EXOC4: variants seen among roughly 807,000 people sequenced by gnomAD.
The protein encoded by EXOC4 is exocyst complex component 4.
A neutral mutation model predicts 107.2 loss-of-function variants in EXOC4; 71 were observed. That is an observed-to-expected ratio of 0.66 (90% confidence interval 0.55 to 0.81). The LOEUF is 0.81. Among genes scored for constraint, EXOC4 ranks in the 30% least tolerant of loss-of-function variants. The pLI is 0.00. For synonymous variants in EXOC4, 456 were observed against 441.2 expected, an observed-to-expected ratio of 1.03 and a Z score of -0.42; for missense variants, 1,108 against 1,189.6, an observed-to-expected ratio of 0.93 and a Z score of 1.01.
intron 11 of EXOC4, among the ~76,000 whole-genome samples, chr7:133,869,021 CCTT>C (rs1309437400): frequency 1.3e-5 from 2 of 151,580 alleles, no homozygotes; most frequent in African/African-American, 4.9e-5. Context: ...CCGCCCCCGC[CCTT>C]CTTTTCTTCA....
chr7:133,507,572 G>A (rs1799689634), intron 9 of EXOC4, among the ~76,000 whole-genome samples: 1 of 152,150 alleles, frequency 6.6e-6, no homozygotes, highest in Non-Finnish European at 1.5e-5. Flanking sequence ...ATAGGGCATA[G>A]CTTTCTTGTC....
At chr7:133,658,127 G>C (rs1037940017) in intron 10 of EXOC4, among the ~76,000 whole-genome samples, 1 of 152,112 alleles carries the variant, frequency 6.6e-6, no homozygotes, top group Admixed American at 6.6e-5. Context: ...TTAGGGATAT[G>C]GAGAAGACCT....
chr7:133,721,392 A>G (rs1795101714), intron 10 of EXOC4, among the ~76,000 whole-genome samples: 1 of 152,168 alleles, frequency 6.6e-6, no homozygotes, highest in Non-Finnish European at 1.5e-5. Context: ...CATTAATAAG[A>G]TAGAGATTCT....
intron 11 of EXOC4, among the ~76,000 whole-genome samples, chr7:133,845,065 C>T (rs1798097035): frequency 6.6e-6 from 1 of 152,074 alleles, no homozygotes; most frequent in Non-Finnish European, 1.5e-5. Flanking sequence ...ATCCTGGGAA[C>T]TTTGGGTTGT....
chr7:133,859,649 G>A (rs1798491246), intron 11 of EXOC4, among the ~76,000 whole-genome samples: 1 of 152,166 alleles, frequency 6.6e-6, no homozygotes, highest in Non-Finnish European at 1.5e-5. Context: ...GAACACTTAG[G>A]ACAGTTTGGT....
At chr7:133,979,798 A>G (rs28736340) in intron 14 of EXOC4, among the ~76,000 whole-genome samples, 1 of 150,954 alleles carries the variant, frequency 6.6e-6, no homozygotes, top group Non-Finnish European at 1.5e-5. Context: ...AAAAAAAAAG[A>G]AAAAAAAACC....
intron 10 of EXOC4, among the ~76,000 whole-genome samples, chr7:133,743,555 A>C (rs1795612487): frequency 6.6e-6 from 1 of 152,146 alleles, no homozygotes; most frequent in Non-Finnish European, 1.5e-5. Flanking sequence ...GTATTAAATT[A>C]AAGCTCCAGA....
intron 10 of EXOC4, among the ~76,000 whole-genome samples, chr7:133,676,603 G>A (rs1794062437): frequency 1.3e-5 from 2 of 152,112 alleles, no homozygotes; most frequent in South Asian, 4.1e-4. Context: ...CAAAGTGGAA[G>A]GGAGGGTGTT....
rs917716550 is a variant in EXOC4 at position 133,412,211 on chromosome 7, A to G, written c.1182+37209A>G. 2.0e-5 allele frequency among the ~76,000 whole-genome samples: 3 copies of G among 147,362 alleles called. No homozygotes were observed. The South Asian group carries it at 6.6e-4, about 32-fold the overall frequency. On this transcript the variant is annotated intron_variant, in intron 7 of 17. Coordinates refer to ENST00000253861, the MANE Select transcript of EXOC4 (RefSeq NM_021807.4). ...CTCTGTATTGGGCAATCTAAATTTA[A>G]GCCTTGAAGAGTGTCCAGATTGTAC... is the stretch of plus-strand genomic sequence containing the variant.
At chr7:133,496,380 T>C (rs866540571) in intron 9 of EXOC4, among the ~76,000 whole-genome samples, 1 of 152,156 alleles carries the variant, frequency 6.6e-6, no homozygotes. Context: ...TTGCTGAGGC[T>C]GGTCTCAAGC....
chr7:133,508,065 AAAAAGAAAAG>A lies in EXOC4; in HGVS notation c.1417+27942_1417+27951del, dbSNP rs146481259. Among the ~76,000 whole-genome samples the A allele has an allele frequency of 5.3e-5, 8 of 152,126 alleles. No individual in the cohort carries two copies. The East Asian group carries it at 9.7e-4, about 18-fold the overall frequency. On this transcript the variant is annotated intron_variant, in intron 9 of 17. Transcript: ENST00000253861. ...AACAAGAGCAAAACTCCGTCTCAAA[AAAAAGAAAAG>A]AAAAGAAAAGAAAAATCAGTAACAA...
intron 2 of EXOC4, among the ~76,000 whole-genome samples, chr7:133,287,351 C>T (rs1794304760): frequency 6.6e-6 from 1 of 152,020 alleles, no homozygotes; most frequent in African/African-American, 2.4e-5. Context: ...TGCTCTGTCG[C>T]CCAGGCTGGA....
chr7:133,558,196 C>CTTTTCTTTTCTTTTT (rs1563107387), intron 9 of EXOC4, among the ~76,000 whole-genome samples: 20 of 101,218 alleles, frequency 2.0e-4, no homozygotes, highest in African/African-American at 7.7e-4. Flanking sequence ...CTTCTCTTTT[C>CTTTTCTTTTCTTTTT]TTTTCTTTTC....
intron 2 of EXOC4, among the ~76,000 whole-genome samples, chr7:133,277,917 G>A (rs912042357): frequency 1.3e-5 from 2 of 152,154 alleles, no homozygotes; most frequent in South Asian, 2.1e-4. Flanking sequence ...ATGAAATATA[G>A]GTGTGTATTT....
chr7:133,829,923 A>AG (rs1797774453), intron 11 of EXOC4, among the ~76,000 whole-genome samples: 1 of 152,056 alleles, frequency 6.6e-6, no homozygotes, highest in Admixed American at 6.5e-5. Context: ...TCTTTTGAGG[A>AG]GGAAAAAAAA....
At chr7:133,397,943 G>A (rs1238176680) in intron 7 of EXOC4, among the ~76,000 whole-genome samples, 2 of 151,998 alleles carry the variant, frequency 1.3e-5, no homozygotes, top group Non-Finnish European at 2.9e-5. Flanking sequence ...GCCTTGCCTC[G>A]GCTATTAAGT....
chr7:133,936,746 G>A (rs1009291956), intron 13 of EXOC4, among the ~76,000 whole-genome samples: 4 of 152,084 alleles, frequency 2.6e-5, no homozygotes, highest in African/African-American at 7.2e-5. Flanking sequence ...TGCAACCTCC[G>A]CCTCCCGGGT....
chr7:133,398,827 A>G (rs995995450), intron 7 of EXOC4, among the ~76,000 whole-genome samples: 1 of 152,180 alleles, frequency 6.6e-6, no homozygotes, highest in Non-Finnish European at 1.5e-5. Flanking sequence ...AAATATTTAC[A>G]TGTATTTCAA....
intron 9 of EXOC4, among the ~76,000 whole-genome samples, chr7:133,623,624 G>T (rs1443985238): frequency 2.0e-5 from 3 of 152,130 alleles, no homozygotes; most frequent in Non-Finnish European, 4.4e-5. Flanking sequence ...TTCTTTCCTT[G>T]AAGGGGCTTG....
Sources: allele counts gnomAD v4.1 joint callset (sites outside exome capture counted in the v4.1 genomes callset), GRCh38; gene constraint gnomAD v4.1.1; transcripts MANE v1.5; gene names NCBI Gene and HGNC (gene_info 2026-07-23, HGNC 2026-07-21).